CRADD: variants seen among roughly 807,000 people sequenced by gnomAD.
CRADD encodes CARD and death domain containing adaptor protein.
CRADD carries 9 observed loss-of-function variants against 15.5 expected under a neutral mutation model. That is an observed-to-expected ratio of 0.58 (90% confidence interval 0.35 to 1.01). The LOEUF (loss-of-function observed/expected upper bound fraction) is 1.01, where lower values mean the gene tolerates loss of function less well. Among genes scored for constraint, CRADD ranks in the 50% least tolerant of loss-of-function variants. CRADD has a pLI of 0.02. For synonymous variants in CRADD, 118 were observed against 107.6 expected (o/e 1.10, Z -0.60); for missense variants, 227 against 250.3 (o/e 0.91, Z 0.63).
At chr12:93,830,622 A>C (rs1196184835) in intron 2 of CRADD, among the ~76,000 whole-genome samples, 1 of 152,228 alleles carries the variant, frequency 6.6e-6, no homozygotes, top group African/African-American at 2.4e-5. Flanking sequence ...TCCTTTATAA[A>C]TATGCCCCTT....
chr12:93,866,466 T>G (rs558831531), intron 2 of CRADD, among the ~76,000 whole-genome samples: 29 of 152,234 alleles, frequency 1.9e-4, no homozygotes, highest in Non-Finnish European at 3.2e-4. Flanking sequence ...ATCCTATTGC[T>G]TCATGTTTAC....
chr12:93,824,862 G>A lies in CRADD; in HGVS notation c.299-25108G>A, dbSNP rs1431159673. Among the ~76,000 whole-genome samples the A allele has an allele frequency of 4.6e-5, 7 of 152,114 alleles. No individual in the cohort carries two copies. Among genetic ancestry groups the A allele is most frequent in the South Asian group, 2.1e-4 (1 of 4,822 alleles). ...CAGAGTGAAGCATGCAGAGGGAGGCGGAGTGAATTACAGCTGTCTCTTTGG... is the reference window on the plus strand; with the variant it reads ...CAGAGTGAAGCATGCAGAGGGAGGCAGAGTGAATTACAGCTGTCTCTTTGG... On this transcript the variant is annotated intron_variant, in intron 2 of 2. Coordinates refer to ENST00000332896, the MANE Select transcript of CRADD (RefSeq NM_003805.5). This position sits in a 1 kb window ranked among gnomAD's most constrained non-coding sequence, Gnocchi z 4.3.
At chr12:93,748,000 T>A (rs747114526) in intron 2 of CRADD, among the ~76,000 whole-genome samples, 22 of 152,030 alleles carry the variant, frequency 1.4e-4, no homozygotes, top group Non-Finnish European at 2.9e-4. Context: ...AAAAAATATA[T>A]ATATATATGA....
intron 2 of CRADD, among the ~76,000 whole-genome samples, chr12:93,867,403 A>ATATATATATATATT (rs985334638): frequency 1.5e-4 from 22 of 143,374 alleles, no homozygotes; most frequent in African/African-American, 5.3e-4. Flanking sequence ...ATATATATAT[A>ATATATATATATATT]TTTTTTAAAC....
At chr12:93,810,587 A>G (rs1389653903) in intron 2 of CRADD, among the ~76,000 whole-genome samples, 11 of 125,644 alleles carry the variant, frequency 8.8e-5, no homozygotes, top group African/African-American at 2.8e-4. Flanking sequence ...AAAAAAAAAA[A>G]AAAAGAATAG....
chr12:93,884,300 C>T (rs1958521375), intron 2 of CRADD, among the ~76,000 whole-genome samples: 1 of 152,230 alleles, frequency 6.6e-6, no homozygotes, highest in Non-Finnish European at 1.5e-5. Context: ...TCTCCTACTT[C>T]TTCCTGAATC....
At chr12:93,740,338 C>T (rs921574714) in intron 2 of CRADD, among the ~76,000 whole-genome samples, 1 of 152,028 alleles carries the variant, frequency 6.6e-6, no homozygotes, top group Admixed American at 6.5e-5. Context: ...TTTTCATTAA[C>T]ATTTCAGTTA....
At chr12:93,741,183 A>T (rs1267827125) in intron 2 of CRADD, among the ~76,000 whole-genome samples, 1 of 152,210 alleles carries the variant, frequency 6.6e-6, no homozygotes. Context: ...ACTTACCCTT[A>T]TTACAGATGC....
At chr12:93,893,632 G>A (rs985817389) in intron 2 of CRADD, among the ~76,000 whole-genome samples, 1 of 152,182 alleles carries the variant, frequency 6.6e-6, no homozygotes, top group African/African-American at 2.4e-5. Flanking sequence ...TAGGCTGGGC[G>A]CAGTGGCTCA....
At chr12:93,729,660 C>G (rs990145803) in intron 2 of CRADD, among the ~76,000 whole-genome samples, 3 of 151,866 alleles carry the variant, frequency 2.0e-5, no homozygotes, top group Non-Finnish European at 2.9e-5. Context: ...TGGTGCATGT[C>G]TGAAATCCCA....
chr12:93,703,978 C>CTTTTTTT (rs71071759), intron 2 of CRADD, among the ~76,000 whole-genome samples: 132 of 90,280 alleles, frequency 1.5e-3, no homozygotes, highest in Non-Finnish European at 2.2e-3. Context: ...TGGAGCCTTT[C>CTTTTTTT]TTTTTTTTTT....
chr12:93,684,687 T>G (rs1428045862), intron 2 of CRADD, among the ~76,000 whole-genome samples: 1 of 152,154 alleles, frequency 6.6e-6, no homozygotes. Flanking sequence ...TGAAGAGCGC[T>G]ATGAAGAGAA....
chr12:93,690,364 T>G (rs1955537842), intron 2 of CRADD, among the ~76,000 whole-genome samples: 1 of 152,192 alleles, frequency 6.6e-6, no homozygotes, highest in Admixed American at 6.5e-5. Flanking sequence ...TGATAGCCCT[T>G]TAAGGGAGGA....
At chr12:93,701,704 A>C (rs1455753562) in intron 2 of CRADD, among the ~76,000 whole-genome samples, 1 of 152,226 alleles carries the variant, frequency 6.6e-6, no homozygotes, top group Non-Finnish European at 1.5e-5. Flanking sequence ...AACATTCTCT[A>C]TGCTGGCAAA....
At chr12:93,700,475 G>A (rs1955817943) in intron 2 of CRADD, among the ~76,000 whole-genome samples, 1 of 151,972 alleles carries the variant, frequency 6.6e-6, no homozygotes. Context: ...CTGTCACCCA[G>A]GCTGGAGTGC....
At chr12:93,726,329 C>G (rs1227095150) in intron 2 of CRADD, among the ~76,000 whole-genome samples, 2 of 152,066 alleles carry the variant, frequency 1.3e-5, no homozygotes, top group Non-Finnish European at 2.9e-5. Context: ...GCCTCGAACT[C>G]CTGACCTCAG....
At chr12:93,696,819 C>T (rs1955717864) in intron 2 of CRADD, among the ~76,000 whole-genome samples, 1 of 151,810 alleles carries the variant, frequency 6.6e-6, no homozygotes. Context: ...GTAGGACAAC[C>T]ATTTACATAG....
chr12:93,797,392 C>T (rs757610222), intron 2 of CRADD, among the ~76,000 whole-genome samples: 3 of 152,094 alleles, frequency 2.0e-5, no homozygotes, highest in Admixed American at 6.5e-5. Flanking sequence ...CTTGGAGATG[C>T]GTTCATTCAC....
At chr12:93,685,132 T>G (rs1390913405) in intron 2 of CRADD, among the ~76,000 whole-genome samples, 1 of 152,232 alleles carries the variant, frequency 6.6e-6, no homozygotes, top group East Asian at 1.9e-4. Flanking sequence ...GCAACAGTAT[T>G]TAGCTAGAAT....
Sources: allele counts gnomAD v4.1 joint callset (sites outside exome capture counted in the v4.1 genomes callset), GRCh38; gene constraint gnomAD v4.1.1; non-coding constraint Gnocchi (gnomAD v3.1); transcripts MANE v1.5; gene names NCBI Gene and HGNC (gene_info 2026-07-23, HGNC 2026-07-21).